Variants in DYM observed in about 807,000 individuals in gnomAD.
The protein encoded by DYM is dymeclin.
DYM carries 78 observed loss-of-function variants against 93.1 expected under a neutral mutation model. The ratio of observed to expected loss-of-function variants is 0.84; its 90% CI spans 0.70 to 1.01. The LOEUF is 1.01. DYM is among the 50% of genes least tolerant of loss of function. The pLI is 0.00. For missense variants in DYM, 789 were observed against 845.0 expected, an observed-to-expected ratio of 0.93 and a Z score of 0.82; for synonymous variants, 321 against 319.7, an observed-to-expected ratio of 1.00 and a Z score of -0.04.
At chr18:49,076,094 TCAAC>T (rs995935978) in intron 17 of DYM, among the ~76,000 whole-genome samples, 4 of 151,022 alleles carry the variant, frequency 2.6e-5, no homozygotes, top group South Asian at 2.1e-4. Context: ...GCAAAACGGA[TCAAC>T]CAACCAACTC....
intron 2 of DYM, among the ~76,000 whole-genome samples, chr18:49,425,611 TA>T (rs1272497761): frequency 3.3e-5 from 5 of 152,100 alleles, no homozygotes; most frequent in Admixed American, 3.3e-4. Context: ...ACAGGCAACC[TA>T]CAGAATGGGA....
At chr18:49,441,642 G>C (rs1214683920) in intron 1 of DYM, among the ~76,000 whole-genome samples, 1 of 151,870 alleles carries the variant, frequency 6.6e-6, no homozygotes, top group Non-Finnish European at 1.5e-5. Flanking sequence ...ATCAGATCAA[G>C]GGAAGTGTGG....
chr18:49,300,366 G>A (rs2060843936), intron 8 of DYM, among the ~76,000 whole-genome samples: 1 of 152,038 alleles, frequency 6.6e-6, no homozygotes, highest in African/African-American at 2.4e-5. Flanking sequence ...CTGGGAGGCT[G>A]AGGTGGGCCG....
At chr18:49,192,498 C>A (rs2091072886) in intron 14 of DYM, among the ~76,000 whole-genome samples, 1 of 152,028 alleles carries the variant, frequency 6.6e-6, no homozygotes, top group African/African-American at 2.4e-5. Context: ...TATGGATATC[C>A]AATTTTCCAA....
intron 15 of DYM, among the ~76,000 whole-genome samples, chr18:49,130,392 T>C (rs776968888): frequency 1.3e-5 from 2 of 152,192 alleles, no homozygotes; most frequent in Non-Finnish European, 2.9e-5. Flanking sequence ...TTTACAGGCA[T>C]AAATGCTTTT....
chr18:49,109,269 A>G (rs1425939267), intron 16 of DYM, among the ~76,000 whole-genome samples: 1 of 151,974 alleles, frequency 6.6e-6, no homozygotes, highest in East Asian at 1.9e-4. Context: ...TTGTTCCACT[A>G]TTTTGTTGTT....
intron 13 of DYM, among the ~76,000 whole-genome samples, chr18:49,223,802 G>A (rs2093440120): frequency 6.6e-6 from 1 of 152,008 alleles, no homozygotes; most frequent in Admixed American, 6.6e-5. Context: ...GGCAGACATA[G>A]GACTGAGACT....
intron 5 of DYM, among the ~76,000 whole-genome samples, chr18:49,364,242 C>T (rs2066305773): frequency 1.3e-5 from 2 of 152,062 alleles, no homozygotes; most frequent in African/African-American, 2.4e-5. Context: ...GTCAGGAGTT[C>T]GAGACCAGCC....
At chr18:49,459,954 G>A (rs76466775) in intron 1 of DYM, among the ~76,000 whole-genome samples, 8,742 of 151,530 alleles carry the variant, frequency 0.058, 350 homozygotes, top group Middle Eastern at 0.12. Context: ...CTGGAGTTAA[G>A]GGTGGTGATG....
At chr18:49,410,827 TG>T (rs2072159775) in intron 2 of DYM, among the ~76,000 whole-genome samples, 1 of 152,162 alleles carries the variant, frequency 6.6e-6, no homozygotes, top group Non-Finnish European at 1.5e-5. Flanking sequence ...AACTGACTTT[TG>T]TGTTATACTT....
chr18:49,234,361 G>T (rs998133855), intron 13 of DYM, among the ~76,000 whole-genome samples: 1 of 152,060 alleles, frequency 6.6e-6, no homozygotes, highest in Admixed American at 6.5e-5. Flanking sequence ...GGAAGCTGAG[G>T]TGGGAGGATT....
intron 1 of DYM, among the ~76,000 whole-genome samples, chr18:49,443,587 T>C (rs910201053): frequency 2.0e-5 from 3 of 152,136 alleles, no homozygotes; most frequent in Non-Finnish European, 1.5e-5. Context: ...GCCAGCAAAA[T>C]ACAATATAGG....
intron 6 of DYM, among the ~76,000 whole-genome samples, chr18:49,361,452 G>C: frequency 6.6e-6 from 1 of 152,196 alleles, no homozygotes; most frequent in Non-Finnish European, 1.5e-5. Flanking sequence ...GAGATTCTGT[G>C]ATGAGAAACA....
intron 10 of DYM, among the ~76,000 whole-genome samples, chr18:49,277,000 A>G (rs1786028109): frequency 6.6e-6 from 1 of 152,210 alleles, no homozygotes; most frequent in Admixed American, 6.5e-5. Context: ...TTGGTTGGAT[A>G]TGGGGGAATG....
chr18:49,370,295 A>AAAAAC (rs1568331232), intron 5 of DYM, among the ~76,000 whole-genome samples: 7 of 146,706 alleles, frequency 4.8e-5, no homozygotes, highest in African/African-American at 2.5e-5. Context: ...AAAAAAAAAA[A>AAAAAC]AAAACAAAAC....
At chr18:49,408,868 C>A (rs768784273) in intron 2 of DYM, among the ~76,000 whole-genome samples, 1 of 152,170 alleles carries the variant, frequency 6.6e-6, no homozygotes, top group Non-Finnish European at 1.5e-5. Context: ...GAGTTTATAA[C>A]CTCTATGGAC....
At chr18:49,063,286 G>C (rs1437521736) in intron 17 of DYM, among the ~76,000 whole-genome samples, 1 of 150,060 alleles carries the variant, frequency 6.7e-6, no homozygotes, top group East Asian at 2.0e-4. Context: ...TTAATCAAAA[G>C]AGAAAAGCCA....
At chr18:49,131,168 GA>G (rs1205281919) in intron 15 of DYM, among the ~76,000 whole-genome samples, 2 of 152,142 alleles carry the variant, frequency 1.3e-5, no homozygotes, top group African/African-American at 4.8e-5. Context: ...AAAAAAGGAG[GA>G]AAAACACAAA....
intron 1 of DYM, among the ~76,000 whole-genome samples, chr18:49,443,489 C>T (rs1363727603): frequency 6.6e-6 from 1 of 152,212 alleles, no homozygotes; most frequent in African/African-American, 2.4e-5. Flanking sequence ...ACTCTGATGT[C>T]ACACTTGTAA....
Sources: gnomAD v4.1 joint callset for allele counts (sites outside exome capture counted in the v4.1 genomes callset) on GRCh38, gnomAD v4.1.1 for gene constraint, MANE v1.5 for transcripts, NCBI Gene and HGNC (gene_info 2026-07-23, HGNC 2026-07-21) for gene names.